Variants in SATB1 observed in about 807,000 individuals in gnomAD.
The protein encoded by SATB1 is SATB homeobox 1.
A neutral mutation model predicts 86.9 loss-of-function variants in SATB1; 11 were observed. The ratio of observed to expected loss-of-function variants is 0.13; its 90% confidence interval spans 0.08 to 0.21. SATB1 has a LOEUF of 0.21. Among genes scored for constraint, SATB1 ranks in the 10% least tolerant of loss-of-function variants. The pLI, the probability that SATB1 is intolerant of heterozygous loss-of-function variation, is 1.00. For synonymous variants in SATB1, 357 were observed against 357.2 expected (o/e 1.00, Z 0.01); for missense variants, 551 against 937.6 (o/e 0.59, Z 5.39).
chr3:18,353,711 C>G (rs1398176976), intron 9 of SATB1, among the ~76,000 whole-genome samples: 1 of 152,122 alleles, frequency 6.6e-6, no homozygotes, highest in East Asian at 1.9e-4. Context: ...ATGGCCTGTT[C>G]TCCCAAAAAT....
chr3:18,359,686 G>T (rs1198912728), intron 9 of SATB1, among the ~76,000 whole-genome samples: 1 of 151,552 alleles, frequency 6.6e-6, no homozygotes, highest in Non-Finnish European at 1.5e-5. Flanking sequence ...GTCAGCCTAA[G>T]ATATATTTTT....
Position 18,391,084 on chromosome 3 carries a change from T to G in SATB1, c.1206+3378A>C, listed in dbSNP as rs183771691. 8.5e-4 allele frequency among the ~76,000 whole-genome samples: 129 copies of G among 152,118 alleles called. 1 individual carries two copies. Among genetic ancestry groups the G allele is most frequent in the African/African-American group, 2.9e-3 (122 of 41,490 alleles). On this transcript the variant is annotated intron_variant, in intron 7 of 10. Transcript: ENST00000338745. ...AAATTCCTTAAAACAAGTAACTATA[T>G]AAGTTTACCATAAATTTTCAGAAAA...
intron 4 of SATB1, among the ~76,000 whole-genome samples, chr3:18,415,756 T>TA (rs1698076337): frequency 6.6e-6 from 1 of 152,048 alleles, no homozygotes; most frequent in Non-Finnish European, 1.5e-5. Context: ...TGACTAAACG[T>TA]AAAAAGTCTT....
chr3:18,410,754 A>G, intron 5 of SATB1: 1 of 271,090 alleles, frequency 3.7e-6, no homozygotes, highest in Admixed American at 5.3e-5. Flanking sequence ...GTGCTTACTA[A>G]AACTGATTTA....
intron 7 of SATB1, among the ~76,000 whole-genome samples, chr3:18,391,172 A>G (rs1377779742): frequency 6.6e-6 from 1 of 152,118 alleles, no homozygotes; most frequent in African/African-American, 2.4e-5. Context: ...AATATAGGGA[A>G]CCCTATTAAG....
At chr3:18,387,345 G>C (rs1257117963) in intron 7 of SATB1, among the ~76,000 whole-genome samples, 1 of 152,020 alleles carries the variant, frequency 6.6e-6, no homozygotes, top group Non-Finnish European at 1.5e-5. Flanking sequence ...TCAACATTGC[G>C]AAAGTCCATC....
intron 5 of SATB1, among the ~76,000 whole-genome samples, chr3:18,406,678 T>C (rs1324413321): frequency 6.6e-6 from 1 of 152,044 alleles, no homozygotes; most frequent in Admixed American, 6.6e-5. Flanking sequence ...AGTACACATA[T>C]TCATGAACAT....
rs75850856 is a variant in SATB1 at position 18,353,548 on chromosome 3, T to A, written c.1576-1353A>T. Among the ~76,000 whole-genome samples, 610 of 152,104 alleles carry A rather than the reference T, an allele frequency of 4.0e-3. 5 individuals carry two copies. Among genetic ancestry groups the A allele is most frequent in the East Asian group, 0.034 (178 of 5,166 alleles). On this transcript the variant is annotated intron_variant, in intron 9 of 10. Transcript: ENST00000338745. ...GAAAATGGAAGTATAGTTTTTTTTT[T>A]AATTATGTAATTTTTAGATCTAGCC...
chr3:18,368,559 A>C (rs1283466861), intron 9 of SATB1, among the ~76,000 whole-genome samples: 1 of 152,144 alleles, frequency 6.6e-6, no homozygotes, highest in Non-Finnish European at 1.5e-5. Context: ...GGAAACTACT[A>C]AGCAAAAGGG....
intron 5 of SATB1, among the ~76,000 whole-genome samples, chr3:18,403,681 T>C (rs115149411): frequency 3.3e-5 from 5 of 152,222 alleles, no homozygotes; most frequent in East Asian, 1.9e-4. Context: ...TCTCAGTCTA[T>C]GCATGGTGAT....
At chr3:18,355,098 T>C (rs1575080190) in intron 9 of SATB1, among the ~76,000 whole-genome samples, 1 of 152,098 alleles carries the variant, frequency 6.6e-6, no homozygotes, top group African/African-American at 2.4e-5. Context: ...AGATGCTTCT[T>C]AGAAAAATAT....
intron 8 of SATB1, 124 bp from the exon 9 acceptor site, chr3:18,378,449 T>C: frequency 1.1e-6 from 1 of 879,610 alleles, no homozygotes; most frequent in Non-Finnish European, 1.8e-6. Flanking sequence ...AACAGTGCAG[T>C]CATTCAACAT....
upstream of SATB1, among the ~76,000 whole-genome samples, chr3:18,439,625 C>T (rs13074493): frequency 0.034 from 5,143 of 152,028 alleles, 106 homozygotes; most frequent in Non-Finnish European, 0.054. Context: ...TGAAGGAGAA[C>T]CTTATGTAAC....
At chr3:18,353,557 AAT>A (rs1195758307) in intron 9 of SATB1, among the ~76,000 whole-genome samples, 1 of 152,056 alleles carries the variant, frequency 6.6e-6, no homozygotes, top group African/African-American at 2.4e-5. Flanking sequence ...TTAATTATGT[AAT>A]TTTTAGATCT....
At chr3:18,351,965 A>C in intron 10 of SATB1, 27 bp downstream of exon 10, 2 of 1,606,722 alleles carry the variant, frequency 1.2e-6, no homozygotes, top group Admixed American at 3.3e-5. Flanking sequence ...ACTTATTGCT[A>C]TACTGAATTG....
chr3:18,362,881 A>AAAAAAAAAAAAAAAAAAAAC (rs373536891), intron 9 of SATB1, among the ~76,000 whole-genome samples: 1 of 108,184 alleles, frequency 9.2e-6, no homozygotes, highest in Non-Finnish European at 1.9e-5. Flanking sequence ...AAAAAAAAAA[A>AAAAAAAAAAAAAAAAAAAAC]CCAAAACCCC....
intron 9 of SATB1, among the ~76,000 whole-genome samples, 198 bp downstream of exon 9, chr3:18,377,972 G>A (rs1695849042): frequency 1.3e-5 from 2 of 152,090 alleles, no homozygotes; most frequent in Admixed American, 1.3e-4. Flanking sequence ...TTGGTCTGAG[G>A]AGTGGCTATT....
rs1157435842 is a variant in SATB1, at chr3:18,368,158, T to C, written c.1575+10012A>G. On this transcript the variant is annotated intron_variant, in intron 9 of 10. Transcript: ENST00000338745. Reference sequence around the variant, plus strand: ...GTTTATCTCCCTGATTAGCAATGGGTATTTTTACTTCTGTGTTAAGAAGGG... The same window carrying C: ...GTTTATCTCCCTGATTAGCAATGGGCATTTTTACTTCTGTGTTAAGAAGGG... Among the ~76,000 whole-genome samples the C allele has an allele frequency of 9.2e-5, 14 of 152,350 alleles. No homozygotes were observed. The East Asian group carries it at 2.7e-3, about 29-fold the overall frequency.
At chr3:18,445,585 G>C in exon 1 of SATB1, 1 of 969,630 alleles carries the variant, frequency 1.0e-6, no homozygotes, top group South Asian at 4.8e-5. Context: ...GTTGCTTGTT[G>C]TTTGGCTGGG....
Sources: allele counts gnomAD v4.1 joint callset (sites outside exome capture counted in the v4.1 genomes callset), GRCh38; gene constraint gnomAD v4.1.1; transcripts MANE v1.5; gene names NCBI Gene and HGNC (gene_info 2026-07-23, HGNC 2026-07-21).